Variants in CACNG1 observed in about 807,000 individuals in gnomAD.
CACNG1 encodes the protein voltage-dependent calcium channel gamma-1 subunit.
CACNG1 carries 21 observed loss-of-function variants against 22.0 expected under a neutral mutation model. The ratio of observed to expected loss-of-function variants is 0.95; its 90% CI spans 0.68 to 1.37. CACNG1 has a LOEUF of 1.37. Ranked by LOEUF, CACNG1 falls within the 40% of genes most tolerant of loss-of-function variation. The pLI, the probability that CACNG1 is intolerant of heterozygous loss-of-function variation, is 0.00. For missense variants in CACNG1, 291 were observed against 308.6 expected (o/e 0.94, Z 0.43); for synonymous variants, 127 against 129.2 (o/e 0.98, Z 0.12).
In CACNG1 at chr17:67,054,223, C is replaced by T. The variant is rs1031744163; in HGVS notation, c.304+153C>T. On this transcript the variant is annotated intron_variant, in intron 2 of 3. Transcript: ENST00000226021. This position sits in a 1 kb window ranked among gnomAD's most constrained non-coding sequence, Gnocchi z 4.6. ...TTTGAACAACAGCCTTGTCAGCTCC[C>T]CGCTCCGGAGGCCCCAGGCAGCCGC... Among the ~76,000 whole-genome samples the T allele has an allele frequency of 1.3e-5, 2 of 152,232 alleles. No individual in the cohort carries two copies. Among genetic ancestry groups the T allele is most frequent in the Admixed American group, 6.5e-5 (1 of 15,288 alleles).
chr17:67,054,039 C>T lies in CACNG1; in HGVS notation c.273C>T (p.Ser91=), dbSNP rs770820692. ...SYFRHFNPGE[S]SEIFEFTTQK... is the part of the protein sequence containing the mutation. The stretch of plus-strand genomic sequence containing the variant: ...TCAGGCATTTTAACCCCGGCGAGAG[C>T]TCGGAGATCTTCGAATTCACCACTC... The change falls in exon 2 of 4, where the codon AGC becomes AGT. Residue 91 remains serine, a synonymous_variant. Transcript: ENST00000226021. The surrounding 1 kb of genome is among the most constrained non-coding windows in gnomAD (Gnocchi z 4.6). The T allele has an allele frequency of 3.7e-6, 6 of 1,614,136 alleles. No homozygotes were observed. In the South Asian group the frequency reaches 6.6e-5, roughly 18 times the overall value.
At chr17:67,047,555 T>C (rs1056902308) in intron 1 of CACNG1, among the ~76,000 whole-genome samples, 7 of 152,204 alleles carry the variant, frequency 4.6e-5, no homozygotes, top group African/African-American at 1.4e-4. Flanking sequence ...ATTTGACCTG[T>C]CTGGTGATTC....
chr17:67,053,644 T>C (rs1376091455), intron 1 of CACNG1, among the ~76,000 whole-genome samples: 1 of 152,214 alleles, frequency 6.6e-6, no homozygotes, highest in Non-Finnish European at 1.5e-5. Flanking sequence ...GACTGCTGTT[T>C]GGTTCTTTGT....
At chr17:67,045,926 T>C (rs1264236793) in intron 1 of CACNG1, among the ~76,000 whole-genome samples, 1 of 152,226 alleles carries the variant, frequency 6.6e-6, no homozygotes, top group South Asian at 2.1e-4. Context: ...TTTAAGCGTA[T>C]TCCTCGATTT....
Position 67,048,789 on chromosome 17 carries a change from A to G in CACNG1, c.229+3900A>G, listed in dbSNP as rs969606586. Among the ~76,000 whole-genome samples the G allele has an allele frequency of 4.6e-5, 7 of 152,340 alleles. No individual in the cohort carries two copies. The East Asian group carries it at 1.3e-3, about 29-fold the overall frequency. On this transcript the variant is annotated intron_variant, in intron 1 of 3. Transcript: ENST00000226021. Reference sequence around the variant, plus strand: ...AAAAGTACAATAACTAAAATGAGAAATTCACTAGAGGGGCTCAATGGCATA... The same window carrying G: ...AAAAGTACAATAACTAAAATGAGAAGTTCACTAGAGGGGCTCAATGGCATA...
Position 67,056,171 on chromosome 17 carries a change from T to A in CACNG1, c.569T>A (p.Ile190Asn), listed in dbSNP as rs1396460990. 1 of 1,613,762 alleles carries A rather than the reference T, an allele frequency of 6.2e-7. No homozygotes were observed. The highest frequency in any genetic ancestry group is 1.7e-5 in the Admixed American group (1 of 60,000). ...WSFACACAAFILLFLGGLALL... is the reference protein window; with the variant it reads ...WSFACACAAFNLLFLGGLALL... The stretch of plus-strand genomic sequence containing the variant: ...TTTGCCTGCGCCTGTGCCGCCTTCA[T>A]CCTCCTCTTTCTCGGCGGTCTCGCC... Residue 190 changes from isoleucine (I) to asparagine (N), a missense_variant, in exon 4 of 4, where the codon ATC (isoleucine) becomes AAC (asparagine). Transcript: ENST00000226021. This position sits in a 1 kb window ranked among gnomAD's most constrained non-coding sequence, Gnocchi z 4.3.
intron 1 of CACNG1, among the ~76,000 whole-genome samples, chr17:67,053,481 T>C (rs1455447438): frequency 6.6e-6 from 1 of 152,222 alleles, no homozygotes; most frequent in Non-Finnish European, 1.5e-5. Flanking sequence ...CCTGGATCAT[T>C]CCATGTTGGG....
At chr17:67,049,409 ACT>A (rs1296000749) in intron 1 of CACNG1, among the ~76,000 whole-genome samples, 3 of 152,190 alleles carry the variant, frequency 2.0e-5, no homozygotes, top group Middle Eastern at 3.2e-3. Context: ...AGCAGCCAGG[ACT>A]CACACTCAGA....
rs750892136 is a variant in CACNG1, at chr17:67,056,043, A to G, written c.443-2A>G. ...CCTGAGCATGCCTGGCTCTGCCCCC[A>G]GGTCTCTGCATCCTCGTCTCGGTGG... On this transcript the variant is annotated splice_acceptor_variant, in intron 3 of 3. Transcript: ENST00000226021. LOFTEE classifies it high-confidence loss of function. The surrounding 1 kb of genome is among the most constrained non-coding windows in gnomAD (Gnocchi z 4.3). The G allele has an allele frequency of 1.2e-6, 2 of 1,605,516 alleles. No individual in the cohort carries two copies. Among genetic ancestry groups the G allele is most frequent in the Non-Finnish European group, 1.7e-6 (2 of 1,178,714 alleles).
Position 67,044,928 on chromosome 17 carries a change from C to T in CACNG1, c.229+39C>T, listed in dbSNP as rs1396554518. 6.6e-7 allele frequency: 1 copy of T among 1,522,716 alleles called. No homozygotes were observed. Among genetic ancestry groups the T allele is most frequent in the Non-Finnish European group, 9.0e-7 (1 of 1,110,026 alleles). The allele number at this position is 1,522,716 out of a possible 1,614,324, so 94.3% of individuals were successfully genotyped here. A position where few individuals can be genotyped will look rare whatever the true frequency, so the allele number is the denominator to read the frequency against. ...CCTCCGTCCCGATCCCCACCTCCTG[C>T]TCTTCCCCGTCATCCCCCTGGCAAA... is the stretch of plus-strand genomic sequence containing the variant. On this transcript the variant is annotated intron_variant, in intron 1 of 3. Transcript: ENST00000226021. The surrounding 1 kb of genome is among the most constrained non-coding windows in gnomAD (Gnocchi z 6.9).
rs187416074 is a variant in CACNG1, at chr17:67,045,998, G to A, written c.229+1109G>A. On this transcript the variant is annotated intron_variant, in intron 1 of 3. Coordinates refer to ENST00000226021, the MANE Select transcript of CACNG1 (RefSeq NM_000727.4). Reference sequence around the variant, plus strand: ...TCCTTTTCAGGAGTACCTGGTAGTCGCGTGACTAGCCTCTATTCTGCAAAT... The same window carrying A: ...TCCTTTTCAGGAGTACCTGGTAGTCACGTGACTAGCCTCTATTCTGCAAAT... Among the ~76,000 whole-genome samples, 241 of 152,312 alleles carry A rather than the reference G, an allele frequency of 1.6e-3. 2 individuals are homozygous for A. The highest frequency in any genetic ancestry group is 5.3e-3 in the African/African-American group (220 of 41,570).
chr17:67,046,993 C>A (rs1420576452), intron 1 of CACNG1, among the ~76,000 whole-genome samples: 1 of 148,862 alleles, frequency 6.7e-6, no homozygotes, highest in Non-Finnish European at 1.5e-5. Flanking sequence ...TATGTTCCTG[C>A]CTTTTTCCCT....
chr17:67,049,739 C>T (rs1282826294), intron 1 of CACNG1, among the ~76,000 whole-genome samples: 1 of 152,156 alleles, frequency 6.6e-6, no homozygotes, highest in East Asian at 1.9e-4. Context: ...CATGAAAACA[C>T]AGCTCCTAAA....
chr17:67,054,204 C>T lies in CACNG1; in HGVS notation c.304+134C>T. On this transcript the variant is annotated intron_variant, in intron 2 of 3. Transcript: ENST00000226021. This position sits in a 1 kb window ranked among gnomAD's most constrained non-coding sequence, Gnocchi z 4.6. ...AGAAGAAGCCTGTGGTGCATTTGAA[C>T]AACAGCCTTGTCAGCTCCCCGCTCC... 1.4e-6 allele frequency: 1 copy of T among 723,794 alleles called. No homozygotes were observed. The highest frequency in any genetic ancestry group is 1.7e-5 in the South Asian group (1 of 58,448). 44.8% of individuals were successfully genotyped at this position (723,794 alleles called of 1,614,324 possible). A position where few individuals can be genotyped will look rare whatever the true frequency, so the allele number is the denominator to read the frequency against.
intron 1 of CACNG1, among the ~76,000 whole-genome samples, chr17:67,046,816 C>T (rs2035700121): frequency 1.3e-5 from 2 of 152,212 alleles, no homozygotes; most frequent in South Asian, 4.1e-4. Flanking sequence ...AAGGAAGAGA[C>T]AGGCTGGTGA....
At position 67,044,947 on chromosome 17, in the gene CACNG1, T is replaced by G; in HGVS notation, c.229+58T>G. The G allele has an allele frequency of 7.0e-7, 1 of 1,433,736 alleles. No individual in the cohort carries two copies. Among genetic ancestry groups the G allele is most frequent in the Non-Finnish European group, 9.6e-7 (1 of 1,040,302 alleles). 88.8% of individuals were successfully genotyped at this position (1,433,736 alleles called of 1,614,324 possible). A position where few individuals can be genotyped will look rare whatever the true frequency, so the allele number is the denominator to read the frequency against. On this transcript the variant is annotated intron_variant, in intron 1 of 3. Transcript: ENST00000226021. The surrounding 1 kb of genome is among the most constrained non-coding windows in gnomAD (Gnocchi z 6.9). ...CTCCTGCTCTTCCCCGTCATCCCCCTGGCAAAGTTGCCCTTGCGAAGGAAG... is the reference window on the plus strand; with the variant it reads ...CTCCTGCTCTTCCCCGTCATCCCCCGGGCAAAGTTGCCCTTGCGAAGGAAG...
At chr17:67,053,195 C>T (rs2035737987) in intron 1 of CACNG1, among the ~76,000 whole-genome samples, 1 of 152,146 alleles carries the variant, frequency 6.6e-6, no homozygotes, top group South Asian at 2.1e-4. Context: ...CCAGTGAAAC[C>T]ACATGATGGT....
chr17:67,048,319 A>AC (rs1321684684), intron 1 of CACNG1, among the ~76,000 whole-genome samples: 1 of 78,074 alleles, frequency 1.3e-5, no homozygotes, highest in Non-Finnish European at 2.5e-5. Context: ...AAAAAAAAAA[A>AC]AAAAAACAAA....
intron 1 of CACNG1, among the ~76,000 whole-genome samples, chr17:67,052,945 T>G (rs2035736569): frequency 6.6e-6 from 1 of 152,100 alleles, no homozygotes; most frequent in Non-Finnish European, 1.5e-5. Flanking sequence ...CGGCCTGTGC[T>G]TTGATTTTAT....
Sources: allele counts gnomAD v4.1 joint callset (sites outside exome capture counted in the v4.1 genomes callset), GRCh38; gene constraint gnomAD v4.1.1; non-coding constraint Gnocchi (gnomAD v3.1); transcripts MANE v1.5; gene names NCBI Gene and HGNC (gene_info 2026-07-23, HGNC 2026-07-21).